USP10: variants seen among roughly 807,000 people sequenced by gnomAD.
USP10 encodes the protein ubiquitin carboxyl-terminal hydrolase 10.
USP10 carries 22 observed loss-of-function variants against 84.5 expected under a neutral mutation model. The ratio of observed to expected loss-of-function variants is 0.26; its 90% confidence interval spans 0.19 to 0.37. The LOEUF is 0.37. Ranked by LOEUF, USP10 falls within the 10% of genes least tolerant of loss-of-function variation. The probability of loss-of-function intolerance (pLI) is 1.00; values close to 1 mark genes in which losing one functional copy is unlikely to be tolerated. For missense variants in USP10, 1,019 were observed against 998.9 expected (o/e 1.02, Z -0.27); for synonymous variants, 454 against 387.6 (o/e 1.17, Z -2.01).
rs10706586 is a variant in USP10 at position 84,711,719 on chromosome 16, CTTTTTT to C, written c.21+11625_21+11630del. Among the ~76,000 whole-genome samples, 601 of 114,282 alleles carry C rather than the reference CTTTTTT, an allele frequency of 5.3e-3. 4 individuals carry two copies. The highest frequency in any genetic ancestry group is 0.021 in the African/African-American group (562 of 26,752). The allele number at this position is 114,282 out of a possible 152,430, so 75.0% of individuals were successfully genotyped here. Reference sequence around the variant, plus strand: ...AGTTTTAGGCGTGAGGAAGGGCTAGCTTTTTTTTTTTTTTTTTTTTTTGTCTGAGAT... The same window carrying C: ...AGTTTTAGGCGTGAGGAAGGGCTAGCTTTTTTTTTTTTTTTTGTCTGAGAT... On this transcript the variant is annotated intron_variant, in intron 1 of 13. Coordinates refer to ENST00000219473, the MANE Select transcript of USP10 (RefSeq NM_005153.3).
intron 4 of USP10, among the ~76,000 whole-genome samples, chr16:84,757,017 A>G (rs1174710894): frequency 6.6e-6 from 1 of 152,194 alleles, no homozygotes; most frequent in African/African-American, 2.4e-5. Flanking sequence ...TTCAGCTGTT[A>G]TGTGACCTCA....
At chr16:84,758,634 C>G in intron 4 of USP10, 82 bp from the exon 5 acceptor site, 1 of 997,220 alleles carries the variant, frequency 1.0e-6, no homozygotes, top group South Asian at 1.3e-5. Flanking sequence ...AAATGCTGTC[C>G]CAGAGTAGAG....
chr16:84,714,935 A>T (rs7201543), intron 1 of USP10, among the ~76,000 whole-genome samples: 96,306 of 138,310 alleles, frequency 0.7, 33,816 homozygotes, highest in Non-Finnish European at 0.78. Context: ...TATTATTATT[A>T]TTTTTTTTTT....
intron 9 of USP10, among the ~76,000 whole-genome samples, chr16:84,763,854 C>G (rs531199725): frequency 6.6e-6 from 1 of 151,992 alleles, no homozygotes; most frequent in East Asian, 1.9e-4. Context: ...TGCCATGGAT[C>G]CAGTGACGTT....
intron 1 of USP10, among the ~76,000 whole-genome samples, chr16:84,730,266 CAGAT>C (rs1348055830): frequency 6.6e-6 from 1 of 152,052 alleles, no homozygotes; most frequent in African/African-American, 2.4e-5. Context: ...TATAGCAACA[CAGAT>C]ACTCTATTTT....
chr16:84,774,052 C>T (rs1914719460), intron 12 of USP10, among the ~76,000 whole-genome samples: 1 of 152,068 alleles, frequency 6.6e-6, no homozygotes, highest in Admixed American at 6.5e-5. Context: ...GAGTTCGAGA[C>T]CAGCCTGACC....
chr16:84,720,344 A>C (rs1326219292), intron 1 of USP10, among the ~76,000 whole-genome samples: 6 of 152,142 alleles, frequency 3.9e-5, no homozygotes, highest in Non-Finnish European at 7.4e-5. Context: ...GGCACTTACA[A>C]GTTTCTGCCC....
rs527391790 is a variant in USP10, at chr16:84,719,601, G to A, written c.22-13834G>A. ...GCTCCCCTGCTAGGTGAGTACCACC[G>A]CGGATTGGTTACCTGCTTTTATGTG... On this transcript the variant is annotated intron_variant, in intron 1 of 13. Coordinates refer to ENST00000219473, the MANE Select transcript of USP10 (RefSeq NM_005153.3). Among the ~76,000 whole-genome samples the A allele has an allele frequency of 1.3e-4, 20 of 152,298 alleles. 1 individual carries two copies. The Middle Eastern group carries it at 0.014, about 104-fold the overall frequency.
chr16:84,778,815 T>C, intron 13 of USP10, 80 bp from the exon 14 acceptor site: 1 of 1,416,502 alleles, frequency 7.1e-7, no homozygotes, highest in African/African-American at 1.4e-5. Context: ...GATGCATCCC[T>C]GGAGGGAAGT....
chr16:84,739,313 C>G (rs1203949354), intron 2 of USP10, among the ~76,000 whole-genome samples: 2 of 151,872 alleles, frequency 1.3e-5, no homozygotes, highest in Non-Finnish European at 2.9e-5. Flanking sequence ...GCTCTATTGC[C>G]CAGGCTGGAG....
rs763436759 is a variant in USP10 at position 84,772,519 on chromosome 16, C to T, written c.1999-22C>T. The T allele has an allele frequency of 6.2e-6, 10 of 1,613,094 alleles. No individual in the cohort carries two copies. In the Admixed American group the frequency reaches 1.7e-4, roughly 27 times the overall value. On this transcript the variant is annotated intron_variant, in intron 11 of 13. Transcript: ENST00000219473. ...TGCAAGTAAGACAGGGACGGTGTGT[C>T]CTGGTGTGCTTTGTGTCTTAGGTTG...
At chr16:84,733,642 A>C in intron 2 of USP10, 139 bp downstream of exon 2, 1 of 550,310 alleles carries the variant, frequency 1.8e-6, no homozygotes, top group Non-Finnish European at 3.1e-6. Flanking sequence ...GCCTCAACCC[A>C]CCAACTAGAT....
At chr16:84,710,126 C>T (rs556120334) in intron 1 of USP10, among the ~76,000 whole-genome samples, 14 of 152,096 alleles carry the variant, frequency 9.2e-5, no homozygotes, top group Admixed American at 4.6e-4. Flanking sequence ...AAAAATTAGC[C>T]GGGCGTGGTG....
chr16:84,707,986 G>A (rs370311594), intron 1 of USP10, among the ~76,000 whole-genome samples: 1 of 152,200 alleles, frequency 6.6e-6, no homozygotes, highest in African/African-American at 2.4e-5. Context: ...GTTGAGGTGG[G>A]AGGATCGCTT....
chr16:84,773,948 C>T (rs1210500788), intron 12 of USP10, among the ~76,000 whole-genome samples: 1 of 152,102 alleles, frequency 6.6e-6, no homozygotes, highest in African/African-American at 2.4e-5. Context: ...AATACATTAT[C>T]AAAATATGAC....
intron 11 of USP10, among the ~76,000 whole-genome samples, chr16:84,770,450 A>C (rs530051861): frequency 1.1e-3 from 173 of 152,266 alleles, no homozygotes; most frequent in African/African-American, 3.9e-3. Flanking sequence ...TATATAGAAA[A>C]TGTCTGCCTT....
At chr16:84,771,054 C>CA (rs34058047) in intron 11 of USP10, among the ~76,000 whole-genome samples, 10,552 of 130,564 alleles carry the variant, frequency 0.081, 435 homozygotes, top group African/African-American at 0.11. Context: ...GAGACTGTCT[C>CA]AAAAAAAAAA....
At chr16:84,760,533 G>A (rs1913089800) in intron 8 of USP10, among the ~76,000 whole-genome samples, 2 of 152,224 alleles carry the variant, frequency 1.3e-5, no homozygotes, top group African/African-American at 2.4e-5. Flanking sequence ...GCCACTGTCT[G>A]AGGTCAGGTA....
At chr16:84,724,848 T>C (rs1212547625) in intron 1 of USP10, among the ~76,000 whole-genome samples, 1 of 152,238 alleles carries the variant, frequency 6.6e-6, no homozygotes, top group African/African-American at 2.4e-5. Flanking sequence ...TAGTTGATGA[T>C]AGTGTCATCT....
Sources: gnomAD v4.1 joint callset for allele counts (sites outside exome capture counted in the v4.1 genomes callset) on GRCh38, gnomAD v4.1.1 for gene constraint, MANE v1.5 for transcripts, NCBI Gene and HGNC (gene_info 2026-07-23, HGNC 2026-07-21) for gene names.